The following LMTK2 variants were observed in gnomAD, a reference collection of about 807,000 sequenced individuals.
The protein encoded by LMTK2 is serine/threonine-protein kinase LMTK2.
A neutral mutation model predicts 127.5 loss-of-function variants in LMTK2; 37 were observed. The ratio of observed to expected loss-of-function variants is 0.29; its 90% CI spans 0.22 to 0.38. The LOEUF (loss-of-function observed/expected upper bound fraction) is 0.38, where lower values mean the gene tolerates loss of function less well. Among genes scored for constraint, LMTK2 ranks in the 10% least tolerant of loss-of-function variants. The probability of loss-of-function intolerance (pLI) is 1.00; values close to 1 mark genes in which losing one functional copy is unlikely to be tolerated. For missense variants in LMTK2, 1,694 were observed against 1,920.3 expected, an observed-to-expected ratio of 0.88 and a Z score of 2.20; for synonymous variants, 819 against 810.1, an observed-to-expected ratio of 1.01 and a Z score of -0.19.
At chr7:98,110,569 C>G (rs921173247) in intron 1 of LMTK2, among the ~76,000 whole-genome samples, 2 of 152,232 alleles carry the variant, frequency 1.3e-5, no homozygotes, top group African/African-American at 4.8e-5. Context: ...TTCCCCAGAT[C>G]ATAGTTATCA....
intron 6 of LMTK2, among the ~76,000 whole-genome samples, chr7:98,163,635 A>G (rs17169414): frequency 0.053 from 8,068 of 152,250 alleles, 635 homozygotes; most frequent in East Asian, 0.36. Flanking sequence ...TGTGGCAAGA[A>G]CGGTCAGGTA....
intron 1 of LMTK2, among the ~76,000 whole-genome samples, chr7:98,123,702 T>TAC (rs1280411721): frequency 4.7e-5 from 6 of 127,818 alleles, no homozygotes; most frequent in Admixed American, 1.5e-4. Context: ...AATTTTCATA[T>TAC]ATACACACAC....
chr7:98,152,601 C>T (rs1419797597), intron 4 of LMTK2, among the ~76,000 whole-genome samples: 1 of 152,098 alleles, frequency 6.6e-6, no homozygotes, highest in Non-Finnish European at 1.5e-5. Context: ...GCTTAGATAT[C>T]TAGTTGGGAG....
At chr7:98,167,275 G>A (rs1302895530) in intron 6 of LMTK2, among the ~76,000 whole-genome samples, 2 of 152,212 alleles carry the variant, frequency 1.3e-5, no homozygotes, top group Admixed American at 6.5e-5. Flanking sequence ...AGGTTTTAGA[G>A]ACACAATAGG....
intron 1 of LMTK2, among the ~76,000 whole-genome samples, chr7:98,132,546 A>G (rs80156262): frequency 0.06 from 9,157 of 151,864 alleles, 638 homozygotes; most frequent in East Asian, 0.34. Context: ...ACCGCACCCA[A>G]CCACCAACTC....
chr7:98,161,255 C>T lies in LMTK2; in HGVS notation c.657+1830C>T, dbSNP rs145043075. 2.2e-3 allele frequency among the ~76,000 whole-genome samples: 334 copies of T among 152,094 alleles called. 6 individuals are homozygous for T. Among genetic ancestry groups the T allele is most frequent in the Admixed American group, 0.02 (310 of 15,292 alleles). On this transcript the variant is annotated intron_variant, in intron 6 of 13. Transcript: ENST00000297293. ...TTTGTTTCTTAATTTTTTGTGTGGT[C>T]GCACTAGAAATTACAGCATGCACAT...
rs1164405051 is a variant in LMTK2 at position 98,204,174 on chromosome 7, A to T, written c.4471A>T (p.Ile1491Phe). 6.3e-7 allele frequency: 1 copy of T among 1,586,984 alleles called. No homozygotes were observed. Among genetic ancestry groups the T allele is most frequent in the Admixed American group, 1.7e-5 (1 of 59,368 alleles). The change falls in exon 13 of 14, where the codon ATC (isoleucine) becomes TTC (phenylalanine). Residue 1491 changes from isoleucine (I) to phenylalanine (F), a missense_variant. Coordinates refer to ENST00000297293, the MANE Select transcript of LMTK2 (RefSeq NM_014916.4). ...FSLTHLTDSDIEQGGSSEDGE... is the reference protein window; with the variant it reads ...FSLTHLTDSDFEQGGSSEDGE... ...CCTCACACACCTGACCGACTCGGACATCGAGCAGGGCGGTGAGAGGCGCTG... is the reference window on the plus strand; with the variant it reads ...CCTCACACACCTGACCGACTCGGACTTCGAGCAGGGCGGTGAGAGGCGCTG...
intron 7 of LMTK2, among the ~76,000 whole-genome samples, chr7:98,175,220 G>A (rs1797258590): frequency 6.6e-6 from 1 of 152,162 alleles, no homozygotes. Flanking sequence ...TTGGAAGGAG[G>A]TGGCGTTTTA....
chr7:98,185,732 CTT>C (rs200304210), intron 8 of LMTK2, among the ~76,000 whole-genome samples: 42 of 144,210 alleles, frequency 2.9e-4, no homozygotes, highest in Admixed American at 4.2e-4. Context: ...CTTTTCCTTT[CTT>C]TTTTTTTTTT....
At chr7:98,197,900 T>C (rs1797651550) in intron 11 of LMTK2, among the ~76,000 whole-genome samples, 1 of 152,180 alleles carries the variant, frequency 6.6e-6, no homozygotes, top group African/African-American at 2.4e-5. Context: ...CTAGGTTTTT[T>C]TGGTTGGTTT....
In LMTK2 at chr7:98,192,926, G is replaced by A. The variant is rs944335712; in HGVS notation, c.2461G>A (p.Glu821Lys). The change falls in exon 11 of 14, where the codon GAA becomes AAA. Residue 821 changes from glutamate to lysine, a missense_variant. Glu to Lys is a moderately conservative substitution (Grantham distance 56, BLOSUM62 1). Around this residue, in one of 8 missense-constraint regions of LMTK2, gnomAD observed 527 missense variants for 539.8 expected, o/e 0.98. Transcript: ENST00000297293. The part of the protein sequence containing the change: ...PEVQVPPTSF[E>K]TEETPRRVPP... Reference sequence around the variant, plus strand: ...AGTGCAGGTACCTCCTACCTCCTTCGAAACAGAAGAAACGCCCCGTCGGGT... The same window carrying A: ...AGTGCAGGTACCTCCTACCTCCTTCAAAACAGAAGAAACGCCCCGTCGGGT... 5.0e-6 allele frequency: 8 copies of A among 1,613,978 alleles called. No individual in the cohort carries two copies. Among genetic ancestry groups the A allele is most frequent in the East Asian group, 4.5e-5 (2 of 44,894 alleles).
intron 3 of LMTK2, among the ~76,000 whole-genome samples, chr7:98,147,914 G>T (rs758805351): frequency 1.3e-5 from 2 of 152,112 alleles, no homozygotes; most frequent in Non-Finnish European, 2.9e-5. Context: ...CATGACAGTT[G>T]ATGTAAAGTC....
At chr7:98,201,040 A>T (rs4729412) in intron 11 of LMTK2, among the ~76,000 whole-genome samples, 26 of 151,900 alleles carry the variant, frequency 1.7e-4, no homozygotes, top group East Asian at 9.7e-4. Context: ...TCTTTTTTTT[A>T]AAAACCCATT....
intron 7 of LMTK2, among the ~76,000 whole-genome samples, chr7:98,174,105 A>G (rs1441160939): frequency 1.5e-4 from 2 of 13,246 alleles, no homozygotes; most frequent in Non-Finnish European, 2.0e-3. Flanking sequence ...ATTTTGTTGT[A>G]AAAAAAAAAA....
At chr7:98,172,299 GTTC>G (rs1329809847) in intron 7 of LMTK2, among the ~76,000 whole-genome samples, 4 of 144,224 alleles carry the variant, frequency 2.8e-5, no homozygotes, top group African/African-American at 1.0e-4. Flanking sequence ...AATGACCATA[GTTC>G]TTTTTTTTTT....
Position 98,191,769 on chromosome 7 carries a change from G to T in LMTK2, c.1304G>T (p.Ser435Ile). The T allele has an allele frequency of 6.2e-7, 1 of 1,614,176 alleles. No individual in the cohort carries two copies. The highest frequency in any genetic ancestry group is 8.5e-7 in the Non-Finnish European group (1 of 1,180,022). ...AACGCTCTGAAGCCGAACACAAACA[G>T]CAGAGACTCCTCCAACAATGCTGCA... ...QWNALKPNTNSRDSSNNAAFP... is the reference protein window; with the variant it reads ...QWNALKPNTNIRDSSNNAAFP... The change falls in exon 11 of 14, where the codon AGC becomes ATC. Residue 435 changes from serine to isoleucine, a missense_variant. Ser to Ile is a moderately radical substitution (Grantham distance 142). This residue lies in a region of LMTK2 where 216 missense variants were observed against 266.8 expected (regional missense o/e 0.81). Transcript: ENST00000297293.
intron 7 of LMTK2, among the ~76,000 whole-genome samples, chr7:98,178,640 G>A (rs1338861449): frequency 6.6e-6 from 1 of 152,182 alleles, no homozygotes; most frequent in African/African-American, 2.4e-5. Context: ...AGCCATTGAC[G>A]TCAAGAGTTC....
At position 98,107,230 on chromosome 7, in the gene LMTK2, T is replaced by C. The variant is rs77105291; in HGVS notation, c.53T>C (p.Leu18Pro). The C allele has an allele frequency of 5.5e-6, 8 of 1,462,030 alleles. No homozygotes were observed. Among genetic ancestry groups the C allele is most frequent in the East Asian group, 3.0e-5 (1 of 33,792 alleles). The allele number at this position is 1,462,030 out of a possible 1,614,324, so 90.6% of individuals were successfully genotyped here. A position where few individuals can be genotyped will look rare whatever the true frequency, so the allele number is the denominator to read the frequency against. Reference protein sequence around the residue: ...RRRLLLLLLVLLIAGSAGAAP... With the variant: ...RRRLLLLLLVPLIAGSAGAAP... ...AGGCTGCTGCTGCTGCTGCTGGTCC[T>C]CCTGATCGCCGGCAGTGCTGGGGCC... Residue 18 changes from leucine (L) to proline (P), a missense_variant, in exon 1 of 14, where the codon CTC (leucine) becomes CCC (proline). Leu to Pro is a moderately conservative substitution (Grantham distance 98). This residue lies in a region of LMTK2 where 76 missense variants were observed against 82.0 expected (regional missense o/e 0.93). Transcript: ENST00000297293.
At chr7:98,187,578 T>G (rs1797455870) in intron 9 of LMTK2, among the ~76,000 whole-genome samples, 1 of 151,786 alleles carries the variant, frequency 6.6e-6, no homozygotes, top group African/African-American at 2.4e-5. Flanking sequence ...TGGGGTACAG[T>G]GATATATATA....
Sources: gnomAD v4.1 joint callset for allele counts (sites outside exome capture counted in the v4.1 genomes callset) on GRCh38, gnomAD v4.1.1 for gene constraint, gnomAD v4.1.1 regional missense constraint, MANE v1.5 for transcripts, NCBI Gene and HGNC (gene_info 2026-07-23, HGNC 2026-07-21) for gene names.